Variants in MSL2 observed in about 807,000 individuals in gnomAD.
MSL2 encodes the protein E3 ubiquitin-protein ligase MSL2.
MSL2 carries 2 observed loss-of-function variants against 35.8 expected under a neutral mutation model. That is an observed-to-expected ratio of 0.06 (90% CI 0.02 to 0.18). The LOEUF (loss-of-function observed/expected upper bound fraction) is 0.18, where lower values mean the gene tolerates loss of function less well. Ranked by LOEUF, MSL2 falls within the 10% of genes least tolerant of loss-of-function variation. MSL2 has a pLI of 1.00. For synonymous variants in MSL2, 296 were observed against 255.7 expected (o/e 1.16, Z -1.50); for missense variants, 523 against 706.7 (o/e 0.74, Z 2.95).
chr3:136,154,087 T>TAAA (rs149944952), intron 1 of MSL2, among the ~76,000 whole-genome samples: 81 of 135,564 alleles, frequency 6.0e-4, no homozygotes, highest in African/African-American at 2.1e-3. Flanking sequence ...CCGTCTCATT[T>TAAA]AAAAAAAAAA....
At chr3:136,162,001 G>T (rs1307355980) in intron 1 of MSL2, among the ~76,000 whole-genome samples, 2 of 151,776 alleles carry the variant, frequency 1.3e-5, no homozygotes, top group African/African-American at 2.4e-5. Context: ...ACAGTGGCGT[G>T]ATCTCGGCTC....
intron 1 of MSL2, among the ~76,000 whole-genome samples, chr3:136,172,684 T>A (rs185558693): frequency 2.2e-4 from 34 of 152,210 alleles, no homozygotes; most frequent in Admixed American, 2.2e-3. Context: ...CTCTCCTTAC[T>A]CCCTTTCAGT....
At chr3:136,164,629 G>A (rs1939790179) in intron 1 of MSL2, among the ~76,000 whole-genome samples, 1 of 151,984 alleles carries the variant, frequency 6.6e-6, no homozygotes, top group South Asian at 2.1e-4. Context: ...ATGTCTCTAA[G>A]AAACCCCCCA....
chr3:136,165,802 A>G (rs895239519), intron 1 of MSL2, among the ~76,000 whole-genome samples: 1 of 152,174 alleles, frequency 6.6e-6, no homozygotes, highest in African/African-American at 2.4e-5. Flanking sequence ...AAGAATGAAT[A>G]AGACCTAGTA....
At chr3:136,180,804 G>GGGAAGGAAGGAA (rs1559969294) in intron 1 of MSL2, among the ~76,000 whole-genome samples, 10 of 51,426 alleles carry the variant, frequency 1.9e-4, no homozygotes, top group African/African-American at 8.3e-4. Flanking sequence ...GAGGGAGGGA[G>GGGAAGGAAGGAA]GGAGGGAAGG....
intron 1 of MSL2, among the ~76,000 whole-genome samples, chr3:136,168,216 C>CAA: frequency 6.8e-6 from 1 of 146,970 alleles, no homozygotes; most frequent in Non-Finnish European, 1.5e-5. Context: ...CCAACTCTAC[C>CAA]AAAAAAAAAG....
rs1939389975 is a variant in MSL2, at chr3:136,152,083, C to G, written c.798G>C (p.Leu266=). 2 of 1,614,136 alleles carry G rather than the reference C, an allele frequency of 1.2e-6. No homozygotes were observed. Among genetic ancestry groups the G allele is most frequent in the South Asian group, 1.1e-5 (1 of 91,076 alleles). The stretch of plus-strand genomic sequence containing the variant: ...GGAGTACTTCCTCAACACTCAGTAA[C>G]AGAGAGTCTCCAGGTTTTATATCTT... ...FSEDIKPGDS[L]LLSVEEVLRS... Residue 266 remains leucine, a synonymous_variant, in exon 2 of 2, where the codon CTG becomes CTC. Transcript: ENST00000309993.
intron 1 of MSL2, among the ~76,000 whole-genome samples, chr3:136,177,823 T>C (rs1034009468): frequency 6.6e-6 from 1 of 152,058 alleles, no homozygotes; most frequent in Non-Finnish European, 1.5e-5. Context: ...TAAACATATA[T>C]GCCAATTTTA....
intron 1 of MSL2, among the ~76,000 whole-genome samples, chr3:136,159,680 T>C (rs61791755): frequency 0.013 from 1,968 of 151,932 alleles, 21 homozygotes; most frequent in Admixed American, 0.023. Flanking sequence ...AAGGAGAGTA[T>C]TTTCAACATA....
At chr3:136,160,490 C>A (rs1489440278) in intron 1 of MSL2, among the ~76,000 whole-genome samples, 1 of 149,680 alleles carries the variant, frequency 6.7e-6, no homozygotes, top group South Asian at 2.1e-4. Context: ...AAGGCCGAGG[C>A]GGGCAGTTCA....
chr3:136,195,666 C>G lies in MSL2; in HGVS notation c.-553G>C, dbSNP rs887107437. On this transcript the variant is annotated 5_prime_UTR_variant, in exon 1 of 2. Transcript: ENST00000309993. ...GCTTCCCGGATCTAGTGCAAGACGC[C>G]GCGGCGGCGACGAAGGTTGATGTTG... The G allele has an allele frequency of 2.0e-6, 2 of 979,768 alleles. No individual in the cohort carries two copies. The highest frequency in any genetic ancestry group is 1.7e-5 in the African/African-American group (1 of 57,206). 60.7% of individuals were successfully genotyped at this position (979,768 alleles called of 1,614,324 possible).
chr3:136,159,402 C>T (rs545533758), intron 1 of MSL2, among the ~76,000 whole-genome samples: 5 of 114,258 alleles, frequency 4.4e-5, no homozygotes, highest in African/African-American at 6.8e-5. Context: ...CTCGCTCTGT[C>T]GCCCAGGCTG....
chr3:136,153,684 G>A (rs972970758), intron 1 of MSL2, among the ~76,000 whole-genome samples: 4 of 152,044 alleles, frequency 2.6e-5, no homozygotes, highest in Non-Finnish European at 2.9e-5. Context: ...CAGCTGCTAG[G>A]GAGGCTGAGG....
chr3:136,191,327 T>C (rs141915791), intron 1 of MSL2, among the ~76,000 whole-genome samples: 1,529 of 151,458 alleles, frequency 0.01, 29 homozygotes, highest in African/African-American at 0.033. Context: ...ATTAGCTGGG[T>C]GTGGTGGCGT....
At chr3:136,158,817 T>C (rs1446668016) in intron 1 of MSL2, among the ~76,000 whole-genome samples, 1 of 152,226 alleles carries the variant, frequency 6.6e-6, no homozygotes, top group East Asian at 1.9e-4. Flanking sequence ...TCCATTTCTA[T>C]ATGCTAGGAA....
At chr3:136,170,538 G>C (rs918310552) in intron 1 of MSL2, among the ~76,000 whole-genome samples, 2 of 103,276 alleles carry the variant, frequency 1.9e-5, no homozygotes, top group Non-Finnish European at 1.9e-5. Context: ...TTTTTGAGAT[G>C]GGAGTCTCGC....
In MSL2 at chr3:136,156,103, G is replaced by A. The variant is rs150280589; in HGVS notation, c.143-3365C>T. On this transcript the variant is annotated intron_variant, in intron 1 of 1. Coordinates refer to ENST00000309993, the MANE Select transcript of MSL2 (RefSeq NM_018133.4). ...AAATCAGCTATATCTCCACTGTGCT[G>A]GAGTCCAGTATTTCTTGATACATGT... is the stretch of plus-strand genomic sequence containing the variant. 1.1e-3 allele frequency: 239 copies of A among 216,138 alleles called. 1 individual carries two copies. Among genetic ancestry groups the A allele is most frequent in the African/African-American group, 5.1e-3 (223 of 43,544 alleles). The allele number at this position is 216,138 out of a possible 1,614,324, so 13.4% of individuals were successfully genotyped here. A position where few individuals can be genotyped will look rare whatever the true frequency, so the allele number is the denominator to read the frequency against.
chr3:136,172,618 C>T (rs551746622), intron 1 of MSL2, among the ~76,000 whole-genome samples: 13 of 152,168 alleles, frequency 8.5e-5, no homozygotes, highest in Non-Finnish European at 1.2e-4. Flanking sequence ...TCCTCTACAT[C>T]CTCTTCTGTC....
intron 1 of MSL2, among the ~76,000 whole-genome samples, chr3:136,193,494 A>T (rs546823066): frequency 2.6e-5 from 4 of 151,974 alleles, no homozygotes; most frequent in Admixed American, 6.6e-5. Flanking sequence ...GCCGGCACCA[A>T]AGGAAAAGAA....
Sources: gnomAD v4.1 joint callset for allele counts (sites outside exome capture counted in the v4.1 genomes callset) on GRCh38, gnomAD v4.1.1 for gene constraint, MANE v1.5 for transcripts, NCBI Gene and HGNC (gene_info 2026-07-23, HGNC 2026-07-21) for gene names.